ARHGAP26: variants seen among roughly 807,000 people sequenced by gnomAD.
ARHGAP26 encodes the protein Rho GTPase activating protein 26.
ARHGAP26 carries 38 observed loss-of-function variants against 104.8 expected under a neutral mutation model. The ratio of observed to expected loss-of-function variants is 0.36; its 90% CI spans 0.28 to 0.48. ARHGAP26 has a LOEUF of 0.48. Among genes scored for constraint, ARHGAP26 ranks in the 20% least tolerant of loss-of-function variants. The pLI is 0.99. For synonymous variants in ARHGAP26, 341 were observed against 340.0 expected, an observed-to-expected ratio of 1.00 and a Z score of -0.03; for missense variants, 704 against 947.9, an observed-to-expected ratio of 0.74 and a Z score of 3.38.
intron 10 of ARHGAP26, among the ~76,000 whole-genome samples, chr5:142,922,495 G>A (rs1021927405): frequency 1.3e-5 from 2 of 152,030 alleles, no homozygotes; most frequent in Non-Finnish European, 2.9e-5. Flanking sequence ...AGGAAGAAGA[G>A]TATCCTAAAT....
rs527954855 is a variant in ARHGAP26 at position 143,171,820 on chromosome 5, T to C, written c.1988+24439T>C. Among the ~76,000 whole-genome samples, 13 of 152,312 alleles carry C rather than the reference T, an allele frequency of 8.5e-5. No homozygotes were observed. The South Asian group carries it at 2.7e-3, about 32-fold the overall frequency. The stretch of plus-strand genomic sequence containing the variant: ...TAGCAGGATGTTTGCAAGCCCAGTA[T>C]TTATCTCTGGCGTAGGCACAATCCC... On this transcript the variant is annotated intron_variant, in intron 20 of 22. Coordinates refer to ENST00000645722, the MANE Select transcript of ARHGAP26 (RefSeq NM_001135608.3).
intron 20 of ARHGAP26, among the ~76,000 whole-genome samples, chr5:143,204,723 C>T (rs1251150954): frequency 6.6e-6 from 1 of 152,022 alleles, no homozygotes; most frequent in Non-Finnish European, 1.5e-5. Context: ...GAATATGTTC[C>T]AAACTATGCC....
chr5:142,795,079 A>G (rs991277233), intron 1 of ARHGAP26, among the ~76,000 whole-genome samples: 1 of 152,128 alleles, frequency 6.6e-6, no homozygotes, highest in Non-Finnish European at 1.5e-5. Flanking sequence ...TAGCCCTTTA[A>G]TAATGTAAAA....
At chr5:143,056,154 A>T in intron 16 of ARHGAP26, 68 bp downstream of exon 16, 1 of 1,344,930 alleles carries the variant, frequency 7.4e-7, no homozygotes, top group Non-Finnish European at 1.1e-6. Context: ...AAGAGTCAGT[A>T]TCCCAAAATA....
chr5:143,222,468 C>T lies in ARHGAP26; in HGVS notation c.*22C>T. Reference sequence around the variant, plus strand: ...CTAACCGTGGGCCCCAGCAGAACTGCTGAGCTTTACATGGTATCCATGACA... The same window carrying T: ...CTAACCGTGGGCCCCAGCAGAACTGTTGAGCTTTACATGGTATCCATGACA... On this transcript the variant is annotated 3_prime_UTR_variant, in exon 23 of 23. Transcript: ENST00000645722. 6.4e-7 allele frequency: 1 copy of T among 1,566,554 alleles called. No individual in the cohort carries two copies. Among genetic ancestry groups the T allele is most frequent in the Non-Finnish European group, 8.7e-7 (1 of 1,148,134 alleles).
intron 20 of ARHGAP26, among the ~76,000 whole-genome samples, chr5:143,160,779 T>A (rs1289484542): frequency 1.3e-5 from 2 of 152,140 alleles, no homozygotes; most frequent in Non-Finnish European, 2.9e-5. Context: ...GTGCCTGGCC[T>A]GGTATATTTT....
At chr5:142,911,370 A>G (rs1035332628) in intron 9 of ARHGAP26, among the ~76,000 whole-genome samples, 3 of 151,920 alleles carry the variant, frequency 2.0e-5, no homozygotes, top group Admixed American at 2.0e-4. Context: ...GCCTATGTGG[A>G]CCCTGACCCC....
At chr5:143,130,360 C>G (rs1372335250) in intron 18 of ARHGAP26, among the ~76,000 whole-genome samples, 1 of 152,158 alleles carries the variant, frequency 6.6e-6, no homozygotes, top group Non-Finnish European at 1.5e-5. Flanking sequence ...TAAGACATTC[C>G]TGACTAAGTC....
intron 9 of ARHGAP26, chr5:142,908,887 GTC>G (rs1188505493): frequency 9.0e-5 from 15 of 167,384 alleles, no homozygotes; most frequent in African/African-American, 3.4e-4. Flanking sequence ...CTGCTTGTGA[GTC>G]TCCTCTGAGT....
chr5:143,188,970 A>G (rs1020956845), intron 20 of ARHGAP26, among the ~76,000 whole-genome samples: 5 of 152,228 alleles, frequency 3.3e-5, no homozygotes, highest in Non-Finnish European at 7.3e-5. Flanking sequence ...CGTTTCCAAA[A>G]TGGAACAAGC....
chr5:142,892,989 C>CCTTT (rs753481588), intron 5 of ARHGAP26, among the ~76,000 whole-genome samples: 27 of 108,010 alleles, frequency 2.5e-4, no homozygotes, highest in Non-Finnish European at 3.0e-4. Context: ...CACCCCCCCG[C>CCTTT]TTTTTTTTTT....
chr5:143,172,400 G>C (rs1013344533), intron 20 of ARHGAP26, among the ~76,000 whole-genome samples: 3 of 152,102 alleles, frequency 2.0e-5, no homozygotes, highest in Non-Finnish European at 4.4e-5. Context: ...AAACTGTCCT[G>C]AGCCACCTAG....
At chr5:142,799,898 A>G (rs1341814317) in intron 1 of ARHGAP26, among the ~76,000 whole-genome samples, 1 of 152,230 alleles carries the variant, frequency 6.6e-6, no homozygotes, top group Non-Finnish European at 1.5e-5. Flanking sequence ...CATTTCAAAC[A>G]TGAGTTTTGG....
chr5:142,996,875 G>A (rs952388628), intron 11 of ARHGAP26, among the ~76,000 whole-genome samples: 57 of 152,026 alleles, frequency 3.7e-4, no homozygotes, highest in African/African-American at 1.4e-3. Flanking sequence ...GAGAGAGAGA[G>A]ATGAGTAAAG....
rs138348103 is a variant in ARHGAP26, at chr5:142,971,754, C to T, written c.1107+39629C>T. ...CAAAAGCTTAAAGAGGCCATACCCT[C>T]AACTTTTTCAATTTAGCACCAAGCT... On this transcript the variant is annotated intron_variant, in intron 11 of 22. Transcript: ENST00000645722. Among the ~76,000 whole-genome samples the T allele has an allele frequency of 3.3e-3, 498 of 152,292 alleles. 13 individuals are homozygous for T. The highest frequency in any genetic ancestry group is 7.2e-4 in the Non-Finnish European group (49 of 68,026).
At chr5:142,990,268 C>A (rs533979635) in intron 11 of ARHGAP26, among the ~76,000 whole-genome samples, 1 of 152,202 alleles carries the variant, frequency 6.6e-6, no homozygotes, top group Non-Finnish European at 1.5e-5. Flanking sequence ...CTTGTGATTG[C>A]GTCATGTAGT....
intron 11 of ARHGAP26, among the ~76,000 whole-genome samples, chr5:142,961,833 G>C (rs755359776): frequency 2.0e-5 from 3 of 152,148 alleles, no homozygotes; most frequent in Non-Finnish European, 2.9e-5. Context: ...CATTTGAAGT[G>C]TTTTTTAGTT....
intron 11 of ARHGAP26, among the ~76,000 whole-genome samples, chr5:142,988,260 T>C (rs1045674734): frequency 6.6e-6 from 1 of 152,212 alleles, no homozygotes; most frequent in African/African-American, 2.4e-5. Flanking sequence ...TCTTCTAGAT[T>C]TTCTAGTTTA....
chr5:143,116,185 A>G (rs1213186956), intron 17 of ARHGAP26, among the ~76,000 whole-genome samples: 1 of 152,230 alleles, frequency 6.6e-6, no homozygotes, highest in Non-Finnish European at 1.5e-5. Context: ...TTATAGAGTT[A>G]TTATATAGGT....
Sources: allele counts gnomAD v4.1 joint callset (sites outside exome capture counted in the v4.1 genomes callset), GRCh38; gene constraint gnomAD v4.1.1; transcripts MANE v1.5; gene names NCBI Gene and HGNC (gene_info 2026-07-23, HGNC 2026-07-21).